The following GABRA1 variants were observed in gnomAD, a reference collection of about 807,000 sequenced individuals.
GABRA1 encodes the protein gamma-aminobutyric acid type A receptor subunit alpha1.
GABRA1 carries 9 observed loss-of-function variants against 48.9 expected under a neutral mutation model. The ratio of observed to expected loss-of-function variants is 0.18; its 90% CI spans 0.11 to 0.32. The LOEUF is 0.32. GABRA1 is among the 10% of genes least tolerant of loss of function. The pLI, the probability that GABRA1 is intolerant of heterozygous loss-of-function variation, is 1.00. For missense variants in GABRA1, 285 were observed against 553.8 expected (o/e 0.51, Z 4.87); for synonymous variants, 210 against 198.7 (o/e 1.06, Z -0.48).
chr5:161,873,986 AG>A lies in GABRA1; in HGVS notation c.476+650del, dbSNP rs954207122. On this transcript the variant is annotated intron_variant, in intron 5 of 9. Transcript: ENST00000393943. ...TCAAATAAAGTTTTGAATTTTATAT[AG>A]AAAAAAAGAGATGTTTAAAAGTATT... Among the ~76,000 whole-genome samples, 6 of 152,316 alleles carry A rather than the reference AG, an allele frequency of 3.9e-5. No homozygotes were observed. In the South Asian group the frequency reaches 1.0e-3, roughly 26 times the overall value.
intron 6 of GABRA1, chr5:161,881,979 GAGGAGGAGA>G (rs1347366038): frequency 2.6e-5 from 4 of 154,264 alleles, no homozygotes; most frequent in Admixed American, 1.3e-4. Flanking sequence ...GGAGGAGGAG[GAGGAGGAGA>G]AGGAGAAGGA....
At chr5:161,865,929 T>C in intron 4 of GABRA1, 141 bp downstream of exon 4, 1 of 654,540 alleles carries the variant, frequency 1.5e-6, no homozygotes, top group South Asian at 1.7e-5. Flanking sequence ...TAATATGTAA[T>C]ATGTAATATA....
chr5:161,861,554 C>T (rs1757860625), intron 3 of GABRA1, among the ~76,000 whole-genome samples: 1 of 151,652 alleles, frequency 6.6e-6, no homozygotes, highest in Admixed American at 6.6e-5. Flanking sequence ...AGGGACTGGT[C>T]AAACGCCTTG....
At chr5:161,892,642 G>A (rs1280866661) in intron 8 of GABRA1, among the ~76,000 whole-genome samples, 3 of 151,912 alleles carry the variant, frequency 2.0e-5, no homozygotes, top group Non-Finnish European at 4.4e-5. Context: ...ATATCTGTAT[G>A]AGTATGCCTT....
intron 4 of GABRA1, 101 bp downstream of exon 4, chr5:161,865,889 C>A (rs1331911228): frequency 5.6e-6 from 5 of 891,578 alleles, no homozygotes; most frequent in Admixed American, 5.2e-5. Flanking sequence ...CCTGAAAAGT[C>A]TTGGCTATAC....
At position 161,861,507 on chromosome 5, in the gene GABRA1, C is replaced by A. The variant is rs114824135; in HGVS notation, c.188-4214C>A. On this transcript the variant is annotated intron_variant, in intron 3 of 9. Transcript: ENST00000393943. ...CTTTCTTCCTAGGACATGCTTGTAT[C>A]ATCTGAGTTCTTGGAATCCCAAAAC... Among the ~76,000 whole-genome samples, 400 of 151,954 alleles carry A rather than the reference C, an allele frequency of 2.6e-3. 3 individuals are homozygous for A. The highest frequency in any genetic ancestry group is 9.0e-3 in the African/African-American group (373 of 41,510).
chr5:161,895,080 T>C (rs1236121336), intron 8 of GABRA1, among the ~76,000 whole-genome samples: 2 of 152,116 alleles, frequency 1.3e-5, no homozygotes, highest in Admixed American at 1.3e-4. Context: ...CACACATGTT[T>C]CTATCTATAT....
chr5:161,869,233 A>G (rs1369980921), intron 4 of GABRA1, among the ~76,000 whole-genome samples: 1 of 152,232 alleles, frequency 6.6e-6, no homozygotes. Context: ...CGTTAATAAC[A>G]TAACAAGATT....
intron 5 of GABRA1, 41 bp from the exon 6 acceptor site, chr5:161,875,519 A>C: frequency 6.8e-7 from 1 of 1,472,986 alleles, no homozygotes; most frequent in South Asian, 1.1e-5. Context: ...AGAAGTATCT[A>C]ATCTATATGG....
rs1304573654 is a variant in GABRA1, at chr5:161,848,877, G to A, written c.-16+455G>A. The A allele has an allele frequency of 1.2e-5, 5 of 430,296 alleles. No homozygotes were observed. In the East Asian group the frequency reaches 4.0e-4, roughly 34 times the overall value. 26.7% of individuals were successfully genotyped at this position (430,296 alleles called of 1,614,324 possible). ...GCTGGGACGGAAAACCTGTCTCACT[G>A]TTCCATCATCCTAGGGAAGGCACGC... On this transcript the variant is annotated intron_variant, in intron 1 of 9. Transcript: ENST00000393943.
intron 3 of GABRA1, among the ~76,000 whole-genome samples, chr5:161,862,274 A>G (rs1757892151): frequency 6.6e-6 from 1 of 151,900 alleles, no homozygotes; most frequent in Admixed American, 6.6e-5. Flanking sequence ...ACCTACCTCT[A>G]GATTGTCATC....
intron 1 of GABRA1, among the ~76,000 whole-genome samples, chr5:161,849,384 G>A (rs565197588): frequency 2.6e-5 from 4 of 152,200 alleles, no homozygotes; most frequent in African/African-American, 7.2e-5. Context: ...TTTAGATGTA[G>A]CATTTTAACA....
intron 3 of GABRA1, among the ~76,000 whole-genome samples, chr5:161,858,717 T>C (rs1009287927): frequency 1.3e-5 from 2 of 151,810 alleles, no homozygotes; most frequent in Non-Finnish European, 2.9e-5. Flanking sequence ...ACAAACATGC[T>C]ATAGCTGAAG....
intron 6 of GABRA1, 141 bp from the exon 7 acceptor site, chr5:161,882,414 TAAA>T: frequency 1.4e-6 from 1 of 738,670 alleles, no homozygotes; most frequent in Non-Finnish European, 2.3e-6. Flanking sequence ...TTAGTTTTTG[TAAA>T]TTAAGGGACA....
chr5:161,884,095 T>G (rs1754733640), intron 7 of GABRA1, among the ~76,000 whole-genome samples: 1 of 152,082 alleles, frequency 6.6e-6, no homozygotes. Context: ...GTATTAAAGA[T>G]GAAATAATAT....
chr5:161,865,298 G>T lies in GABRA1; in HGVS notation c.188-423G>T, dbSNP rs774240473. On this transcript the variant is annotated intron_variant, in intron 3 of 9. Coordinates refer to ENST00000393943, the MANE Select transcript of GABRA1 (RefSeq NM_001127644.2). Reference sequence around the variant, plus strand: ...CTTGAGTCCTTACAGAGTTAATAACGCTTGCTAAAGTACACTATCTATTTC... The same window carrying T: ...CTTGAGTCCTTACAGAGTTAATAACTCTTGCTAAAGTACACTATCTATTTC... 2.0e-5 allele frequency among the ~76,000 whole-genome samples: 3 copies of T among 152,016 alleles called. No homozygotes were observed. The East Asian group carries it at 5.8e-4, about 29-fold the overall frequency.
At chr5:161,893,009 A>ATAAT (rs1554087334) in intron 8 of GABRA1, among the ~76,000 whole-genome samples, 1 of 122,432 alleles carries the variant, frequency 8.2e-6, no homozygotes, top group Non-Finnish European at 1.6e-5. Flanking sequence ...CTTCTCAAAA[A>ATAAT]AATAATAATA....
intron 6 of GABRA1, among the ~76,000 whole-genome samples, chr5:161,876,890 T>C (rs755070139): frequency 6.6e-6 from 1 of 152,200 alleles, no homozygotes; most frequent in Non-Finnish European, 1.5e-5. Context: ...AGGAAGATCA[T>C]ACGCCGTAGT....
chr5:161,847,458 C>T (rs577581732), upstream of GABRA1: 1 of 152,288 alleles, frequency 6.6e-6, no homozygotes, highest in East Asian at 1.9e-4. Flanking sequence ...CAAACAGTTG[C>T]CTCCAAAGGT....
Sources: allele counts gnomAD v4.1 joint callset (sites outside exome capture counted in the v4.1 genomes callset), GRCh38; gene constraint gnomAD v4.1.1; transcripts MANE v1.5; gene names NCBI Gene and HGNC (gene_info 2026-07-23, HGNC 2026-07-21).